Variants in LHFPL3 observed in about 807,000 individuals in gnomAD.
The protein encoded by LHFPL3 is LHFPL tetraspan subfamily member 3 protein.
LHFPL3 carries 5 observed loss-of-function variants against 19.3 expected under a neutral mutation model. The observed-to-expected ratio is 0.26, with a 90% CI of 0.14 to 0.54. LHFPL3 has a LOEUF of 0.54. Ranked by LOEUF, LHFPL3 falls within the 20% of genes least tolerant of loss-of-function variation. The probability of loss-of-function intolerance (pLI) is 0.94; values close to 1 mark genes in which losing one functional copy is unlikely to be tolerated. For synonymous variants in LHFPL3, 133 were observed against 126.2 expected (o/e 1.05, Z -0.36); for missense variants, 249 against 307.4 (o/e 0.81, Z 1.42).
chr7:104,820,993 C>A (rs904455296), intron 2 of LHFPL3, among the ~76,000 whole-genome samples: 7 of 152,240 alleles, frequency 4.6e-5, no homozygotes, highest in African/African-American at 9.6e-5. Flanking sequence ...TTCCCCTCCC[C>A]CTAGGAACTT....
intron 2 of LHFPL3, among the ~76,000 whole-genome samples, chr7:104,742,064 A>C (rs534689844): frequency 5.9e-5 from 9 of 152,334 alleles, no homozygotes; most frequent in Non-Finnish European, 1.2e-4. Context: ...TAACACACTG[A>C]ACTGTGAAGT....
At chr7:104,543,836 A>G (rs1233747132) in intron 1 of LHFPL3, among the ~76,000 whole-genome samples, 2 of 151,012 alleles carry the variant, frequency 1.3e-5, no homozygotes, top group Non-Finnish European at 2.9e-5. Context: ...TAACGGGTGC[A>G]GCACACCAAC....
chr7:104,479,478 G>A (rs1793089405), intron 1 of LHFPL3, among the ~76,000 whole-genome samples: 4 of 151,132 alleles, frequency 2.6e-5, no homozygotes, highest in East Asian at 2.0e-4. Context: ...TGCAACCTCC[G>A]CCTCCCAGAT....
chr7:104,449,082 A>T (rs938589437), intron 1 of LHFPL3, among the ~76,000 whole-genome samples: 8 of 152,188 alleles, frequency 5.3e-5, no homozygotes, highest in Non-Finnish European at 1.2e-4. Context: ...GGATTTTTGT[A>T]TCTTCTCCTG....
chr7:104,641,953 A>G (rs1451035701), intron 1 of LHFPL3, among the ~76,000 whole-genome samples: 4 of 152,130 alleles, frequency 2.6e-5, no homozygotes, highest in African/African-American at 7.2e-5. Context: ...GAAGTAATAC[A>G]TAAGTGATGA....
chr7:104,546,556 C>T lies in LHFPL3; in HGVS notation c.446-190119C>T, dbSNP rs1396116641. Among the ~76,000 whole-genome samples the T allele has an allele frequency of 2.0e-5, 3 of 152,158 alleles. No individual in the cohort carries two copies. The East Asian group carries it at 5.8e-4, about 29-fold the overall frequency. Reference sequence around the variant, plus strand: ...AAAACTGCTCTCTTAAGGAAGGAGTCCCTCATTGTAATGTGAGTGACAGTG... The same window carrying T: ...AAAACTGCTCTCTTAAGGAAGGAGTTCCTCATTGTAATGTGAGTGACAGTG... On this transcript the variant is annotated intron_variant, in intron 1 of 2. Coordinates refer to ENST00000424859, the MANE Select transcript of LHFPL3 (RefSeq NM_199000.3).
At chr7:104,614,319 T>C (rs1791267289) in intron 1 of LHFPL3, among the ~76,000 whole-genome samples, 1 of 152,190 alleles carries the variant, frequency 6.6e-6, no homozygotes, top group South Asian at 2.1e-4. Flanking sequence ...AATTTACAAG[T>C]GTAAGAAGAG....
chr7:104,692,987 C>G (rs1044924257), intron 1 of LHFPL3, among the ~76,000 whole-genome samples: 1 of 152,190 alleles, frequency 6.6e-6, no homozygotes, highest in African/African-American at 2.4e-5. Context: ...AGGATGAGGG[C>G]TGTACCCTGC....
rs1483337501 is a variant in LHFPL3 at position 104,491,349 on chromosome 7, C to G, written c.445+162125C>G. Among the ~76,000 whole-genome samples the G allele has an allele frequency of 2.0e-5, 3 of 152,086 alleles. No individual in the cohort carries two copies. The East Asian group carries it at 5.8e-4, about 29-fold the overall frequency. On this transcript the variant is annotated intron_variant, in intron 1 of 2. Transcript: ENST00000424859. ...AGGTGTGTTCCCCCTCCCCTACCCCCCAGCAGGCCCTGGCAGATTCCAGCT... is the reference window on the plus strand; with the variant it reads ...AGGTGTGTTCCCCCTCCCCTACCCCGCAGCAGGCCCTGGCAGATTCCAGCT...
intron 1 of LHFPL3, among the ~76,000 whole-genome samples, chr7:104,665,888 C>G (rs970357573): frequency 1.3e-5 from 2 of 152,102 alleles, no homozygotes; most frequent in Non-Finnish European, 2.9e-5. Flanking sequence ...GGTGATTTCT[C>G]CTGCTGCTCA....
chr7:104,496,691 A>G (rs1793489722), intron 1 of LHFPL3, among the ~76,000 whole-genome samples: 1 of 152,146 alleles, frequency 6.6e-6, no homozygotes, highest in Admixed American at 6.5e-5. Flanking sequence ...TTTTAAACAA[A>G]GCTGCGCTGG....
intron 1 of LHFPL3, among the ~76,000 whole-genome samples, chr7:104,335,737 C>A (rs1012536250): frequency 6.6e-6 from 1 of 151,708 alleles, no homozygotes; most frequent in African/African-American, 2.4e-5. Flanking sequence ...TATGAAAACA[C>A]CTATTTGGTA....
chr7:104,370,919 T>C (rs771981702), intron 1 of LHFPL3, among the ~76,000 whole-genome samples: 32 of 152,220 alleles, frequency 2.1e-4, no homozygotes, highest in Admixed American at 5.2e-4. Flanking sequence ...AGAAAAGTTA[T>C]GTAACTTTCT....
intron 1 of LHFPL3, among the ~76,000 whole-genome samples, chr7:104,655,008 C>T (rs1314873614): frequency 6.6e-6 from 1 of 152,142 alleles, no homozygotes; most frequent in Non-Finnish European, 1.5e-5. Context: ...CTTCCTACAG[C>T]TCCTGCCATC....
At chr7:104,829,469 A>T (rs1029067316) in intron 2 of LHFPL3, among the ~76,000 whole-genome samples, 18 of 151,704 alleles carry the variant, frequency 1.2e-4, no homozygotes, top group African/African-American at 3.4e-4. Context: ...TCCTAATGCT[A>T]TCCCTCCCCC....
chr7:104,791,163 T>G (rs553486813), intron 2 of LHFPL3, among the ~76,000 whole-genome samples: 1 of 152,200 alleles, frequency 6.6e-6, no homozygotes, highest in African/African-American at 2.4e-5. Context: ...GTTATCACCA[T>G]TGTGTGTTCT....
At chr7:104,839,106 G>GAC (rs1251528617) in intron 2 of LHFPL3, among the ~76,000 whole-genome samples, 1 of 152,184 alleles carries the variant, frequency 6.6e-6, no homozygotes, top group Non-Finnish European at 1.5e-5. Context: ...TAGGCTGTGA[G>GAC]ACACAGAACA....
intron 1 of LHFPL3, among the ~76,000 whole-genome samples, chr7:104,424,478 C>T (rs1584310453): frequency 6.6e-6 from 1 of 152,288 alleles, no homozygotes; most frequent in East Asian, 1.9e-4. Context: ...TTATGTAAGA[C>T]CACAGAAAGA....
chr7:104,658,662 C>T (rs549435196), intron 1 of LHFPL3, among the ~76,000 whole-genome samples: 1 of 152,164 alleles, frequency 6.6e-6, no homozygotes, highest in South Asian at 2.1e-4. Flanking sequence ...GCTGGGTGGG[C>T]GCCTATAATC....
Sources: gnomAD v4.1 joint callset for allele counts (sites outside exome capture counted in the v4.1 genomes callset) on GRCh38, gnomAD v4.1.1 for gene constraint, MANE v1.5 for transcripts, NCBI Gene and HGNC (gene_info 2026-07-23, HGNC 2026-07-21) for gene names.